ZNF385D: variants seen among roughly 807,000 people sequenced by gnomAD.
The protein encoded by ZNF385D is zinc finger protein 659.
In ZNF385D, 15 loss-of-function variants were observed where a neutral mutation model predicts 35.8. The ratio of observed to expected loss-of-function variants is 0.42; its 90% CI spans 0.28 to 0.64. The LOEUF (loss-of-function observed/expected upper bound fraction) is 0.64, where lower values mean the gene tolerates loss of function less well. Ranked by LOEUF, ZNF385D falls within the 30% of genes least tolerant of loss-of-function variation. The pLI is 0.23. For synonymous variants in ZNF385D, 212 were observed against 186.8 expected, an observed-to-expected ratio of 1.13 and a Z score of -1.10; for missense variants, 474 against 494.6, an observed-to-expected ratio of 0.96 and a Z score of 0.39.
intron 4 of ZNF385D, among the ~76,000 whole-genome samples, chr3:21,452,913 G>A (rs1427983577): frequency 3.3e-5 from 5 of 151,806 alleles, no homozygotes; most frequent in African/African-American, 1.2e-4. Flanking sequence ...TATTGAAAAA[G>A]AAGAATAAAG....
At chr3:22,330,729 G>C (rs1222503682) in intron 2 of ZNF385D, among the ~76,000 whole-genome samples, 1 of 152,176 alleles carries the variant, frequency 6.6e-6, no homozygotes, top group Admixed American at 6.5e-5. Flanking sequence ...TAAGGCCAGG[G>C]ACATTTTAGA....
At position 21,418,106 on chromosome 3, in the gene ZNF385D, A is replaced by G. The variant is rs1215771490; in HGVS notation, c.*3108T>C. The G allele has an allele frequency of 1.3e-5, 2 of 152,162 alleles. No homozygotes were observed. The highest frequency in any genetic ancestry group is 2.4e-5 in the African/African-American group (1 of 41,454). 9.4% of individuals were successfully genotyped at this position (152,162 alleles called of 1,614,324 possible). On this transcript the variant is annotated 3_prime_UTR_variant, in exon 8 of 8. Transcript: ENST00000281523. The stretch of plus-strand genomic sequence containing the variant: ...CTGGACGATCTGATTGAGGTGCAAC[A>G]ATGCTTTTTCCAGAGGCATTTGGCT...
intron 4 of ZNF385D, among the ~76,000 whole-genome samples, chr3:21,443,986 G>A (rs952957436): frequency 6.6e-6 from 1 of 151,702 alleles, no homozygotes; most frequent in Non-Finnish European, 1.5e-5. Context: ...TGTGCTACAT[G>A]TATTACATGC....
intron 2 of ZNF385D, among the ~76,000 whole-genome samples, chr3:21,603,892 C>T (rs2064396373): frequency 6.6e-6 from 1 of 152,098 alleles, no homozygotes; most frequent in Admixed American, 6.6e-5. Flanking sequence ...GGAGGCATAG[C>T]CACGCAATTA....
At chr3:21,487,380 T>C (rs186478042) in intron 4 of ZNF385D, among the ~76,000 whole-genome samples, 4 of 152,204 alleles carry the variant, frequency 2.6e-5, no homozygotes, top group African/African-American at 9.6e-5. Flanking sequence ...CCAATATAAA[T>C]GTTAGAGGGG....
intron 3 of ZNF385D, among the ~76,000 whole-genome samples, chr3:21,791,498 A>G (rs2071924656): frequency 6.6e-6 from 1 of 152,210 alleles, no homozygotes; most frequent in South Asian, 2.1e-4. Context: ...TCCTTTCCCC[A>G]AGAAGAAATC....
At chr3:21,674,881 T>G (rs933203471) in intron 1 of ZNF385D, among the ~76,000 whole-genome samples, 1 of 151,836 alleles carries the variant, frequency 6.6e-6, no homozygotes, top group African/African-American at 2.4e-5. Context: ...AAGTGACTTG[T>G]GTATTGTTTT....
intron 4 of ZNF385D, among the ~76,000 whole-genome samples, chr3:21,468,401 C>CAA (rs1175784477): frequency 0.53 from 38,646 of 72,532 alleles, 10,855 homozygotes; most frequent in Non-Finnish European, 0.64. Context: ...GACACTGTCT[C>CAA]AAAAAAAAAA....
At chr3:21,815,322 A>T (rs1216703992) in intron 3 of ZNF385D, among the ~76,000 whole-genome samples, 6 of 152,210 alleles carry the variant, frequency 3.9e-5, no homozygotes, top group Non-Finnish European at 8.8e-5. Context: ...GAAGGCAAGA[A>T]ATAACTAAGA....
chr3:21,613,920 A>T lies in ZNF385D; in HGVS notation c.166-49236T>A, dbSNP rs146240555. Among the ~76,000 whole-genome samples the T allele has an allele frequency of 4.6e-3, 698 of 152,314 alleles. 8 individuals carry two copies. Among genetic ancestry groups the T allele is most frequent in the African/African-American group, 0.015 (643 of 41,568 alleles). On this transcript the variant is annotated intron_variant, in intron 2 of 7. Coordinates refer to ENST00000281523, the MANE Select transcript of ZNF385D (RefSeq NM_024697.3). ...AAATTGCTATATGAGTTGGACCCCA[A>T]ATATAAGAATGACTCAAACACAGAT...
At chr3:22,371,597 C>T (rs371927063) in intron 2 of ZNF385D, among the ~76,000 whole-genome samples, 5 of 152,210 alleles carry the variant, frequency 3.3e-5, no homozygotes, top group African/African-American at 1.2e-4. Flanking sequence ...GCATTTCACA[C>T]AGGGTGACAC....
At chr3:21,476,809 A>T (rs1185218483) in intron 4 of ZNF385D, among the ~76,000 whole-genome samples, 1 of 152,042 alleles carries the variant, frequency 6.6e-6, no homozygotes, top group Non-Finnish European at 1.5e-5. Flanking sequence ...TCCACCAAAC[A>T]CTAGTTCCAG....
In ZNF385D at chr3:22,275,289, G is replaced by C. The variant is rs114121179; in HGVS notation, c.106+97161C>G. On this transcript the variant is annotated intron_variant, in intron 2 of 5. Coordinates refer to the ZNF385D transcript ENST00000494108. ...AGAAATTAATCAAAGATTCTCAGAAGGGTCTAACTAGTCCCTTACTTCAGC... is the reference window on the plus strand; with the variant it reads ...AGAAATTAATCAAAGATTCTCAGAACGGTCTAACTAGTCCCTTACTTCAGC... 2.0e-3 allele frequency among the ~76,000 whole-genome samples: 311 copies of C among 152,180 alleles called. 1 individual carries two copies. The highest frequency in any genetic ancestry group is 7.3e-3 in the African/African-American group (302 of 41,534).
intron 2 of ZNF385D, among the ~76,000 whole-genome samples, chr3:22,246,407 A>G (rs1699785764): frequency 6.6e-6 from 1 of 152,146 alleles, no homozygotes; most frequent in Non-Finnish European, 1.5e-5. Context: ...ATCAGCAAAT[A>G]TGAATTGAGT....
intron 3 of ZNF385D, among the ~76,000 whole-genome samples, chr3:21,915,252 G>A (rs1193633924): frequency 1.3e-5 from 2 of 151,922 alleles, no homozygotes; most frequent in East Asian, 3.9e-4. Context: ...TTAAAATTCT[G>A]TATACTACAG....
At chr3:21,830,686 C>T (rs1327868498) in intron 3 of ZNF385D, among the ~76,000 whole-genome samples, 1 of 151,254 alleles carries the variant, frequency 6.6e-6, no homozygotes, top group Non-Finnish European at 1.5e-5. Context: ...GCGGAATGTG[C>T]CTGTCAAATG....
intron 4 of ZNF385D, among the ~76,000 whole-genome samples, chr3:21,498,945 C>CAAAAAAAAAAAAAAAA (rs35511402): frequency 3.1e-5 from 2 of 64,264 alleles, no homozygotes; most frequent in African/African-American, 1.3e-4. Flanking sequence ...GACTCCATCT[C>CAAAAAAAAAAAAAAAA]AAAAAAAAAA....
At chr3:21,935,249 A>G (rs564985876) in intron 3 of ZNF385D, among the ~76,000 whole-genome samples, 1 of 152,302 alleles carries the variant, frequency 6.6e-6, no homozygotes, top group Admixed American at 6.5e-5. Flanking sequence ...TGCATGCCTT[A>G]AAATAATTTT....
chr3:21,853,853 T>A (rs146692254), intron 3 of ZNF385D, among the ~76,000 whole-genome samples: 7 of 151,876 alleles, frequency 4.6e-5, no homozygotes, highest in African/African-American at 1.7e-4. Flanking sequence ...GAAGATTATA[T>A]ACTGTATAAT....
Sources: allele counts gnomAD v4.1 joint callset (sites outside exome capture counted in the v4.1 genomes callset), GRCh38; gene constraint gnomAD v4.1.1; transcripts MANE v1.5; gene names NCBI Gene and HGNC (gene_info 2026-07-23, HGNC 2026-07-21).